The following IMMP2L variants were observed in gnomAD, a reference collection of about 807,000 sequenced individuals.
The protein encoded by IMMP2L is mitochondrial inner membrane protease subunit 2.
IMMP2L carries 18 observed loss-of-function variants against 19.3 expected under a neutral mutation model. The observed-to-expected ratio is 0.93, with a 90% CI of 0.64 to 1.38. The LOEUF is 1.38. Among genes scored for constraint, IMMP2L ranks in the 40% most tolerant of loss-of-function variants. IMMP2L has a pLI of 0.00. For synonymous variants in IMMP2L, 76 were observed against 73.0 expected (o/e 1.04, Z -0.21); for missense variants, 233 against 218.2 (o/e 1.07, Z -0.43).
chr7:111,551,156 C>T (rs927677282), intron 1 of IMMP2L, among the ~76,000 whole-genome samples: 9 of 152,182 alleles, frequency 5.9e-5, no homozygotes, highest in South Asian at 2.1e-4. Flanking sequence ...TGTCCCCCAG[C>T]GACAAGCAAG....
At chr7:111,119,819 G>A (rs1432009380) in intron 3 of IMMP2L, among the ~76,000 whole-genome samples, 1 of 152,168 alleles carries the variant, frequency 6.6e-6, no homozygotes, top group South Asian at 2.1e-4. Context: ...AGTGCCTGGT[G>A]AAGGAAAGGA....
intron 3 of IMMP2L, among the ~76,000 whole-genome samples, chr7:111,336,256 G>A (rs1185647767): frequency 6.7e-6 from 1 of 149,664 alleles, no homozygotes; most frequent in East Asian, 2.0e-4. Context: ...GTCCCACTAT[G>A]TTGCCCAGGC....
intron 3 of IMMP2L, among the ~76,000 whole-genome samples, chr7:111,383,534 T>G (rs1323215362): frequency 6.6e-6 from 1 of 152,142 alleles, no homozygotes; most frequent in Non-Finnish European, 1.5e-5. Context: ...CCAAGACTCA[T>G]GGTTCAACAC....
intron 5 of IMMP2L, among the ~76,000 whole-genome samples, chr7:110,813,432 CTTTT>C (rs113097047): frequency 6.9e-6 from 1 of 144,852 alleles, no homozygotes; most frequent in African/African-American, 2.5e-5. Flanking sequence ...ACATTTCTTT[CTTTT>C]TTTTTTTTTG....
At chr7:111,556,803 C>G (rs1318035325) in intron 1 of IMMP2L, among the ~76,000 whole-genome samples, 1 of 152,046 alleles carries the variant, frequency 6.6e-6, no homozygotes, top group Non-Finnish European at 1.5e-5. Flanking sequence ...ACTTCAGTTA[C>G]TCTCCATATG....
chr7:111,413,661 T>C (rs987589577), intron 3 of IMMP2L, among the ~76,000 whole-genome samples: 1 of 132,002 alleles, frequency 7.6e-6, no homozygotes, highest in African/African-American at 2.5e-5. Context: ...AGTCCTAATT[T>C]AAGAAAAAAA....
chr7:111,111,064 C>T (rs1799134912), intron 3 of IMMP2L, among the ~76,000 whole-genome samples: 1 of 152,090 alleles, frequency 6.6e-6, no homozygotes, highest in Non-Finnish European at 1.5e-5. Context: ...AAGAGTTTAT[C>T]TACTAAGAAA....
chr7:110,919,948 A>C (rs1462682780), intron 4 of IMMP2L, among the ~76,000 whole-genome samples: 2 of 152,258 alleles, frequency 1.3e-5, no homozygotes, highest in African/African-American at 4.8e-5. Context: ...AGTTGTGAAG[A>C]CTTGGCTTGC....
intron 3 of IMMP2L, among the ~76,000 whole-genome samples, chr7:111,199,572 T>C (rs187488112): frequency 3.3e-5 from 5 of 152,192 alleles, no homozygotes; most frequent in African/African-American, 4.8e-5. Context: ...TGTTAACCTA[T>C]ATAATTTGAT....
In IMMP2L at chr7:110,870,733, CAG is replaced by C. The variant is rs1808458773; in HGVS notation, c.408+15858_408+15859del. ...TCACCTGTTCAAAGAATGGAAAGAT[CAG>C]AGAGGTGCAAGCACGGAAAGGGAAG... On this transcript the variant is annotated intron_variant, in intron 5 of 5. Transcript: ENST00000405709. The surrounding 1 kb of genome is among the most constrained non-coding windows in gnomAD (Gnocchi z 4.2). 6.6e-6 allele frequency among the ~76,000 whole-genome samples: 1 copy of C among 152,030 alleles called. No individual in the cohort carries two copies. Among genetic ancestry groups the C allele is most frequent in the Admixed American group, 6.6e-5 (1 of 15,236 alleles).
intron 5 of IMMP2L, among the ~76,000 whole-genome samples, chr7:110,699,391 C>T (rs191469202): frequency 3.5e-4 from 54 of 152,246 alleles, no homozygotes; most frequent in African/African-American, 1.2e-3. Flanking sequence ...TGAGATGGTC[C>T]CTGTGATTTC....
At chr7:111,452,502 TA>T (rs1305122265) in intron 3 of IMMP2L, among the ~76,000 whole-genome samples, 4 of 152,192 alleles carry the variant, frequency 2.6e-5, no homozygotes, top group African/African-American at 9.6e-5. Context: ...AGAACTCTGA[TA>T]ATTTGCAGCC....
At chr7:111,400,285 G>A (rs915679272) in intron 3 of IMMP2L, among the ~76,000 whole-genome samples, 1 of 152,110 alleles carries the variant, frequency 6.6e-6, no homozygotes, top group African/African-American at 2.4e-5. Context: ...TTTCAGGCCT[G>A]CCAGTGACTA....
At chr7:111,038,087 C>T (rs1791527683) in intron 3 of IMMP2L, among the ~76,000 whole-genome samples, 1 of 151,946 alleles carries the variant, frequency 6.6e-6, no homozygotes, top group South Asian at 2.1e-4. Context: ...AATGAAGAAC[C>T]TTAATTTGAA....
At chr7:110,900,004 T>G (rs1811700891) in intron 4 of IMMP2L, among the ~76,000 whole-genome samples, 1 of 152,242 alleles carries the variant, frequency 6.6e-6, no homozygotes, top group Admixed American at 6.5e-5. Context: ...AATCAGGGAA[T>G]GTTCCATTCA....
chr7:110,972,973 T>C lies in IMMP2L; in HGVS notation c.240-9408A>G, dbSNP rs190635089. ...ATTAGGTTAGCCTGAAAAACTTCTA[T>C]TGTTTGTAAGAAAATGCAGAGGTCA... On this transcript the variant is annotated intron_variant, in intron 3 of 5. Coordinates refer to ENST00000405709, the MANE Select transcript of IMMP2L (RefSeq NM_032549.4). Among the ~76,000 whole-genome samples the C allele has an allele frequency of 1.6e-4, 24 of 152,200 alleles. No homozygotes were observed. The East Asian group carries it at 4.3e-3, about 27-fold the overall frequency.
At chr7:110,681,929 C>A (rs1375601992) in intron 5 of IMMP2L, among the ~76,000 whole-genome samples, 1 of 151,990 alleles carries the variant, frequency 6.6e-6, no homozygotes, top group East Asian at 1.9e-4. Flanking sequence ...GAGTGGTCAG[C>A]AAGAGAACAG....
At chr7:110,978,851 C>T (rs2129557664) in intron 3 of IMMP2L, among the ~76,000 whole-genome samples, 1 of 151,998 alleles carries the variant, frequency 6.6e-6, no homozygotes, top group South Asian at 2.1e-4. Flanking sequence ...AGTTGTATAC[C>T]AAAAACACGA....
chr7:111,381,952 T>A (rs1487507952), intron 3 of IMMP2L, among the ~76,000 whole-genome samples: 1 of 151,932 alleles, frequency 6.6e-6, no homozygotes, highest in Non-Finnish European at 1.5e-5. Context: ...TTTATTATCA[T>A]CAAATGTATC....
Sources: gnomAD v4.1 joint callset for allele counts (sites outside exome capture counted in the v4.1 genomes callset) on GRCh38, gnomAD v4.1.1 for gene constraint, Gnocchi (gnomAD v3.1) non-coding constraint, MANE v1.5 for transcripts, NCBI Gene and HGNC (gene_info 2026-07-23, HGNC 2026-07-21) for gene names.